DYNC2LI1: variants seen among roughly 807,000 people sequenced by gnomAD.
DYNC2LI1 encodes cytoplasmic dynein 2 light intermediate chain 1.
DYNC2LI1 carries 45 observed loss-of-function variants against 51.9 expected under a neutral mutation model. The ratio of observed to expected loss-of-function variants is 0.87; its 90% CI spans 0.68 to 1.11. The LOEUF (loss-of-function observed/expected upper bound fraction) is 1.11, where lower values mean the gene tolerates loss of function less well. DYNC2LI1 is among the 50% of genes most tolerant of loss of function. DYNC2LI1 has a pLI of 0.00. For missense variants in DYNC2LI1, 490 were observed against 417.4 expected, an observed-to-expected ratio of 1.17 and a Z score of -1.51; for synonymous variants, 130 against 137.8, an observed-to-expected ratio of 0.94 and a Z score of 0.40.
chr2:43,796,900 C>A (rs775716500), intron 8 of DYNC2LI1, 105 bp downstream of exon 8: 4 of 858,126 alleles, frequency 4.7e-6, no homozygotes, highest in Admixed American at 4.0e-5. Context: ...TGCTAATGCA[C>A]ATGGTCCCGT....
At chr2:43,804,777 G>C in intron 11 of DYNC2LI1, 38 bp downstream of exon 11, 2 of 1,339,250 alleles carry the variant, frequency 1.5e-6, no homozygotes, top group Non-Finnish European at 2.1e-6. Flanking sequence ...AAGACTTTTA[G>C]CACTGTCTAA....
chr2:43,791,204 G>C (rs1050883052), intron 5 of DYNC2LI1, among the ~76,000 whole-genome samples: 6 of 152,194 alleles, frequency 3.9e-5, no homozygotes, highest in African/African-American at 1.4e-4. Context: ...CTGAGTGACA[G>C]AGTGAGACAT....
At position 43,801,588 on chromosome 2, in the gene DYNC2LI1, C is replaced by T. The variant is rs1350979300; in HGVS notation, c.732-51C>T. On this transcript the variant is annotated intron_variant, in intron 9 of 12. Coordinates refer to ENST00000260605, the MANE Select transcript of DYNC2LI1 (RefSeq NM_016008.4). ...CTGTCATATTTACAGGAGAGCGTGG[C>T]AGCAAATCTAATTGCTAAACTAATT... The T allele has an allele frequency of 2.2e-6, 3 of 1,371,254 alleles. No homozygotes were observed. The Admixed American group carries it at 5.3e-5, about 24-fold the overall frequency. The allele number at this position is 1,371,254 out of a possible 1,614,324, so 84.9% of individuals were successfully genotyped here. A position where few individuals can be genotyped will look rare whatever the true frequency, so the allele number is the denominator to read the frequency against.
At chr2:43,824,510 A>G in the DYNC2LI1 span, 22 of 1,597,898 alleles carry the variant, frequency 1.4e-5, no homozygotes, top group Non-Finnish European at 1.9e-5. Context: ...TTGGTACAGG[A>G]GTACTGGCCA....
intron 2 of DYNC2LI1, among the ~76,000 whole-genome samples, chr2:43,781,373 A>G (rs1272075140): frequency 6.6e-6 from 1 of 151,926 alleles, no homozygotes; most frequent in Non-Finnish European, 1.5e-5. Flanking sequence ...TCTCAAAAAA[A>G]AAAACAAAAA....
chr2:43,777,779 C>T (rs961102028), intron 2 of DYNC2LI1, among the ~76,000 whole-genome samples: 3 of 152,212 alleles, frequency 2.0e-5, no homozygotes, highest in Non-Finnish European at 4.4e-5. Flanking sequence ...GCCCTCTCTG[C>T]ACAACCGGAC....
At chr2:43,810,261 G>C, downstream of DYNC2LI1, 7 of 699,408 alleles carry the variant, frequency 1.0e-5, no homozygotes, top group East Asian at 1.3e-4. Flanking sequence ...CACATTCCCA[G>C]GTCCCCACAC....
At chr2:43,781,188 G>T (rs995502489) in intron 2 of DYNC2LI1, among the ~76,000 whole-genome samples, 1 of 152,014 alleles carries the variant, frequency 6.6e-6, no homozygotes, top group Non-Finnish European at 1.5e-5. Context: ...CCAACATAGT[G>T]AAACCCCATC....
At chr2:43,823,769 G>C in the DYNC2LI1 span, 8 of 869,598 alleles carry the variant, frequency 9.2e-6, no homozygotes, top group Non-Finnish European at 1.4e-5. Context: ...CTCAATAGTT[G>C]CCTTTCCCCA....
chr2:43,779,998 G>T (rs149063306), intron 2 of DYNC2LI1, among the ~76,000 whole-genome samples: 1 of 152,296 alleles, frequency 6.6e-6, no homozygotes, highest in African/African-American at 2.4e-5. Flanking sequence ...GTATTTAACA[G>T]AGATGATTGT....
intron 4 of DYNC2LI1, 60 bp downstream of exon 4, chr2:43,787,310 T>C: frequency 2.2e-6 from 3 of 1,377,588 alleles, no homozygotes; most frequent in Non-Finnish European, 3.1e-6. Context: ...TGCTGCTGAC[T>C]TTGTTTTACA....
At chr2:43,812,200 G>T (rs1666514255), downstream of DYNC2LI1, among the ~76,000 whole-genome samples, 1 of 152,044 alleles carries the variant, frequency 6.6e-6, no homozygotes, top group African/African-American at 2.4e-5. Context: ...ACAGATGTGA[G>T]ACACCATGTC....
chr2:43,774,225 G>A, intron 1 of DYNC2LI1, 79 bp downstream of exon 1: 1 of 1,587,298 alleles, frequency 6.3e-7, no homozygotes, highest in Non-Finnish European at 8.6e-7. Flanking sequence ...GGGACCAGCT[G>A]TTGGAAGATT....
intron 2 of DYNC2LI1, chr2:43,781,487 T>G (rs931643325): frequency 6.6e-6 from 1 of 152,264 alleles, no homozygotes; most frequent in African/African-American, 2.4e-5. Context: ...TTATTCTACT[T>G]TCTTGCAGAG....
chr2:43,789,838 A>G (rs1053854731), intron 5 of DYNC2LI1, 117 bp downstream of exon 5: 2 of 762,208 alleles, frequency 2.6e-6, no homozygotes, highest in Admixed American at 5.5e-5. Flanking sequence ...CTGAAGGCTT[A>G]TGCCCACTTC....
intron 11 of DYNC2LI1, 85 bp from the exon 12 acceptor site, chr2:43,805,069 A>C (rs1297000861): frequency 8.5e-6 from 7 of 827,666 alleles, no homozygotes; most frequent in African/African-American, 6.9e-5. Context: ...CAGGCTGAGG[A>C]ATGGGAGCTT....
the DYNC2LI1 span, among the ~76,000 whole-genome samples, chr2:43,819,081 CAT>C: frequency 6.6e-6 from 1 of 152,168 alleles, no homozygotes; most frequent in Admixed American, 6.5e-5. Context: ...TAAACACACA[CAT>C]ATACTTTTAT....
At chr2:43,800,950 G>T in intron 9 of DYNC2LI1, 33 bp downstream of exon 9, 1 of 1,426,042 alleles carries the variant, frequency 7.0e-7, no homozygotes, top group South Asian at 1.2e-5. Context: ...ATCATTTATT[G>T]AGTGATTGAT....
Position 43,801,691 on chromosome 2 carries a change from G to T in DYNC2LI1, c.784G>T (p.Asp262Tyr), listed in dbSNP as rs1306080343. 2 of 1,609,416 alleles carry T rather than the reference G, an allele frequency of 1.2e-6. No homozygotes were observed. The highest frequency in any genetic ancestry group is 2.2e-5 in the East Asian group (1 of 44,730). Reference protein sequence around the residue: ...NKPLFITAGLDSFGQIGSPPV... With the variant: ...NKPLFITAGLYSFGQIGSPPV... ...ACCGCTGTTTATCACAGCAGGATTG[G>T]ATTCTTTCGGTCAAATAGGTTAGTG... The change falls in exon 10 of 13, where the codon GAT (aspartate) becomes TAT (tyrosine). Residue 262 changes from aspartate (D) to tyrosine (Y), a missense_variant. Physicochemically the swap from Asp to Tyr is radical, Grantham distance 160. Transcript: ENST00000260605.
Sources: gnomAD v4.1 joint callset for allele counts (sites outside exome capture counted in the v4.1 genomes callset) on GRCh38, gnomAD v4.1.1 for gene constraint, MANE v1.5 for transcripts, NCBI Gene and HGNC (gene_info 2026-07-23, HGNC 2026-07-21) for gene names.